GLUL: variants seen among roughly 807,000 people sequenced by gnomAD.
GLUL encodes glutamate-ammonia ligase, also known as glutamine synthetase.
GLUL carries 8 observed loss-of-function variants against 36.9 expected under a neutral mutation model. That is an observed-to-expected ratio of 0.22 (90% CI 0.13 to 0.39). GLUL has a LOEUF of 0.39. Among genes scored for constraint, GLUL ranks in the 10% least tolerant of loss-of-function variants. GLUL has a pLI of 1.00. For missense variants in GLUL, 315 were observed against 501.8 expected (o/e 0.63, Z 3.56); for synonymous variants, 182 against 172.8 (o/e 1.05, Z -0.42).
Position 182,379,524 on chromosome 1 carries a change from A to T in GLUL, c.*4881T>A, listed in dbSNP as rs755565802. Among the ~76,000 whole-genome samples the T allele has an allele frequency of 1.6e-4, 25 of 151,562 alleles. No individual in the cohort carries two copies. Among genetic ancestry groups the T allele is most frequent in the Non-Finnish European group, 3.1e-4 (21 of 67,874 alleles). The stretch of plus-strand genomic sequence containing the variant: ...AGGCTTGAGCCACCACACCCAGCCT[A>T]AACTGCCAGTTTACATCAGTTATAA... On this transcript the variant is annotated 3_prime_UTR_variant, in exon 7 of 7. Transcript: ENST00000331872.
rs1393206961 is a variant in GLUL at position 182,378,380 on chromosome 1, T to G, written c.*6025A>C. On this transcript the variant is annotated 3_prime_UTR_variant, in exon 7 of 7. Coordinates refer to ENST00000331872, the MANE Select transcript of GLUL (RefSeq NM_001033044.4). ...TGTAACATGCACTAGGATATCACTC[T>G]CCTATATTAGAGGAGCTCCAAGCAG... Among the ~76,000 whole-genome samples, 1 of 152,202 alleles carries G rather than the reference T, an allele frequency of 6.6e-6. No individual in the cohort carries two copies. The highest frequency in any genetic ancestry group is 1.9e-4 in the East Asian group (1 of 5,192).
chr1:182,386,197 G>T (rs1222919830), intron 4 of GLUL, 59 bp downstream of exon 4: 5 of 1,484,788 alleles, frequency 3.4e-6, no homozygotes, highest in Non-Finnish European at 4.7e-6. Flanking sequence ...CCTGGGAAGG[G>T]GCATTCCTGC....
rs773300168 is a variant in GLUL at position 182,391,731 on chromosome 1, G to A, written c.-66C>T. ...AGCTAGGCCGCGAGAGCGAGGTTAGGAGAGGAGAGGAGGCCGCAGTACTGC... is the reference window on the plus strand; with the variant it reads ...AGCTAGGCCGCGAGAGCGAGGTTAGAAGAGGAGAGGAGGCCGCAGTACTGC... On this transcript the variant is annotated 5_prime_UTR_variant, in exon 1 of 7. Transcript: ENST00000331872. 2 of 152,766 alleles carry A rather than the reference G, an allele frequency of 1.3e-5. No individual in the cohort carries two copies. The highest frequency in any genetic ancestry group is 2.9e-5 in the Non-Finnish European group (2 of 68,454). 9.5% of individuals were successfully genotyped at this position (152,766 alleles called of 1,614,324 possible).
chr1:182,381,976 TAC>T lies in GLUL; in HGVS notation c.*2427_*2428del, dbSNP rs766506428. The T allele has an allele frequency of 6.6e-6, 1 of 152,202 alleles. No individual in the cohort carries two copies. Among genetic ancestry groups the T allele is most frequent in the Non-Finnish European group, 1.5e-5 (1 of 68,042 alleles). 9.4% of individuals were successfully genotyped at this position (152,202 alleles called of 1,614,324 possible). Reference sequence around the variant, plus strand: ...CTCTACTTTGAATATTAAATCATATTACGAGCCAACTTTCTTAAGAAAAACCA... The same window carrying T: ...CTCTACTTTGAATATTAAATCATATTGAGCCAACTTTCTTAAGAAAAACCA... On this transcript the variant is annotated 3_prime_UTR_variant, in exon 7 of 7. Transcript: ENST00000331872.
chr1:182,385,571 C>G lies in GLUL; in HGVS notation c.604-15G>C. The G allele has an allele frequency of 6.2e-7, 1 of 1,612,602 alleles. No individual in the cohort carries two copies. The highest frequency in any genetic ancestry group is 8.5e-7 in the Non-Finnish European group (1 of 1,178,628). On this transcript the variant is annotated splice_polypyrimidine_tract_variant and intron_variant, in intron 5 of 6. Transcript: ENST00000331872. The stretch of plus-strand genomic sequence containing the variant: ...TGAAATTCCCACTAGAAACGAGAAG[C>G]TTGGCCATTAAAACAAAGCTAACTG...
chr1:182,385,987 A>G, intron 4 of GLUL, 100 bp from the exon 5 acceptor site: 1 of 1,257,772 alleles, frequency 8.0e-7, no homozygotes, highest in Middle Eastern at 1.9e-4. Context: ...TTGAATCACT[A>G]TCCTTGCCTT....
chr1:182,384,417 C>A lies in GLUL; in HGVS notation c.1110G>T (p.Gln370His). 2 of 1,612,548 alleles carry A rather than the reference C, an allele frequency of 1.2e-6. No individual in the cohort carries two copies. Among genetic ancestry groups the A allele is most frequent in the Non-Finnish European group, 1.7e-6 (2 of 1,178,738 alleles). ...AGGTCTAGTCCACTTAATTTTTGTACTGGAAGGGCTCATCGCCGGTTTCAT... is the reference window on the plus strand; with the variant it reads ...AGGTCTAGTCCACTTAATTTTTGTAATGGAAGGGCTCATCGCCGGTTTCAT... The part of the protein sequence containing the change: ...LLNETGDEPF[Q>H]YKN The change falls in exon 7 of 7, where the codon CAG (glutamine) becomes CAT (histidine). Residue 370 changes from glutamine (Q) to histidine (H), a missense_variant. Physicochemically the swap from Gln to His is conservative, Grantham distance 24. Around this residue, in one of 3 missense-constraint regions of GLUL, gnomAD observed 58 missense variants for 89.5 expected, o/e 0.65. Transcript: ENST00000331872.
rs1649814174 is a variant in GLUL, at chr1:182,378,579, T to C, written c.*5826A>G. ...GTGACAACTTTCTCATCTCGGCGAA[T>C]TCTCTTGTGTACTGTTTCTGGAACA... is the stretch of plus-strand genomic sequence containing the variant. On this transcript the variant is annotated 3_prime_UTR_variant, in exon 7 of 7. Coordinates refer to ENST00000331872, the MANE Select transcript of GLUL (RefSeq NM_001033044.4). Among the ~76,000 whole-genome samples, 1 of 152,330 alleles carries C rather than the reference T, an allele frequency of 6.6e-6. No individual in the cohort carries two copies. The highest frequency in any genetic ancestry group is 1.9e-4 in the East Asian group (1 of 5,186).
chr1:182,386,180 T>C (rs200570794), intron 4 of GLUL, 76 bp downstream of exon 4: 71 of 1,396,232 alleles, frequency 5.1e-5, no homozygotes, highest in Non-Finnish European at 1.2e-5. Context: ...TGAAAGTCAT[T>C]CCCATCCCTG....
chr1:182,386,117 T>C (rs1650169749), intron 4 of GLUL, 139 bp downstream of exon 4: 7 of 949,472 alleles, frequency 7.4e-6, no homozygotes, highest in South Asian at 3.9e-5. Context: ...TTTTTGGACT[T>C]TGGTGATGTG....
Position 182,381,488 on chromosome 1 carries a change from C to T in GLUL, c.*2917G>A, listed in dbSNP as rs1558151192. On this transcript the variant is annotated 3_prime_UTR_variant, in exon 7 of 7. Coordinates refer to ENST00000331872, the MANE Select transcript of GLUL (RefSeq NM_001033044.4). Reference sequence around the variant, plus strand: ...AATCTATCACTGATAAAAGTTATCACATAACCCATTGTCTGCAAATGAACT... The same window carrying T: ...AATCTATCACTGATAAAAGTTATCATATAACCCATTGTCTGCAAATGAACT... 6.6e-6 allele frequency among the ~76,000 whole-genome samples: 1 copy of T among 152,160 alleles called. No individual in the cohort carries two copies. Among genetic ancestry groups the T allele is most frequent in the Non-Finnish European group, 1.5e-5 (1 of 68,032 alleles).
In GLUL at chr1:182,386,347, G is replaced by A; in HGVS notation, c.384C>T (p.His128=). 1 of 1,610,258 alleles carries A rather than the reference G, an allele frequency of 6.2e-7. No homozygotes were observed. Among genetic ancestry groups the A allele is most frequent in the African/African-American group, 1.3e-5 (1 of 74,956 alleles). ...KRIMDMVSNQ[H]PWFGMEQEYT... ...ACTCCTGCTCCATGCCAAACCAGGGGTGCTGGTTGCTCACCATGTCCATTA... is the reference window on the plus strand; with the variant it reads ...ACTCCTGCTCCATGCCAAACCAGGGATGCTGGTTGCTCACCATGTCCATTA... Residue 128 remains histidine (H), a synonymous_variant, in exon 4 of 7, where the codon CAC becomes CAT. Transcript: ENST00000331872.
At position 182,385,768 on chromosome 1, in the gene GLUL, G is replaced by C; in HGVS notation, c.595C>G (p.Pro199Ala). The C allele has an allele frequency of 1.2e-6, 2 of 1,614,118 alleles. No homozygotes were observed. The highest frequency in any genetic ancestry group is 1.7e-6 in the Non-Finnish European group (2 of 1,180,012). ...KIAGTNAEVM[P>A]AQWEFQIGPC... ...ATTGGAGCTATACTTACCTGGGCAG[G>C]CATGACCTCGGCATTAGTCCCCGCA... The change falls in exon 5 of 7, where the codon CCT (proline) becomes GCT (alanine). Residue 199 changes from proline to alanine, a missense_variant. Around this residue, in one of 3 missense-constraint regions of GLUL, gnomAD observed 256 missense variants for 396.1 expected, o/e 0.65. Transcript: ENST00000331872.
intron 1 of GLUL, chr1:182,390,968 A>G (rs1650389501): frequency 2.5e-6 from 1 of 393,622 alleles, no homozygotes; most frequent in Non-Finnish European, 4.5e-6. Flanking sequence ...TCAGGGCCTC[A>G]CGGAGGTGGC....
At chr1:182,387,356 C>T (rs1287595932) in intron 2 of GLUL, 64 bp from the exon 3 acceptor site, 26 of 1,182,948 alleles carry the variant, frequency 2.2e-5, no homozygotes, top group Non-Finnish European at 3.2e-5. Flanking sequence ...AATGCAAATA[C>T]AGCCAGCCCT....
In GLUL at chr1:182,390,766, C is replaced by G. The variant is rs530658203; in HGVS notation, c.-14+913G>C. 1.9e-4 allele frequency: 74 copies of G among 399,132 alleles called. No homozygotes were observed. Among genetic ancestry groups the G allele is most frequent in the Non-Finnish European group, 3.1e-4 (71 of 226,130 alleles). 24.7% of individuals were successfully genotyped at this position (399,132 alleles called of 1,614,324 possible). A position where few individuals can be genotyped will look rare whatever the true frequency, so the allele number is the denominator to read the frequency against. ...CGACGAAGCCGAAGCAGCTGGAGCG[C>G]GACCCGGAGGAGTCTGACTTCTCGT... On this transcript the variant is annotated intron_variant, in intron 1 of 6. Coordinates refer to ENST00000331872, the MANE Select transcript of GLUL (RefSeq NM_001033044.4).
At chr1:182,386,994 G>A (rs1246061311) in intron 3 of GLUL, 137 bp downstream of exon 3, 3 of 760,076 alleles carry the variant, frequency 3.9e-6, no homozygotes, top group Non-Finnish European at 7.2e-6. Flanking sequence ...GAAGTTCAGG[G>A]AAAAGAATCA....
intron 1 of GLUL, 127 bp downstream of exon 1, chr1:182,391,552 G>A (rs1402419079): frequency 7.9e-6 from 2 of 254,260 alleles, no homozygotes; most frequent in East Asian, 7.1e-5. Flanking sequence ...ATGGGCCGGA[G>A]AGGCCGCAGC....
chr1:182,378,906 C>T lies in GLUL; in HGVS notation c.*5499G>A, dbSNP rs967787879. Reference sequence around the variant, plus strand: ...GATTCTCCTGCCTCAGCCTGCCACTCGGCAGGGTGGGATTACAGGTGCTCA... The same window carrying T: ...GATTCTCCTGCCTCAGCCTGCCACTTGGCAGGGTGGGATTACAGGTGCTCA... On this transcript the variant is annotated 3_prime_UTR_variant, in exon 7 of 7. Transcript: ENST00000331872. 6.6e-6 allele frequency among the ~76,000 whole-genome samples: 1 copy of T among 151,344 alleles called. No homozygotes were observed. The highest frequency in any genetic ancestry group is 2.4e-5 in the African/African-American group (1 of 41,152).
Sources: gnomAD v4.1 joint callset for allele counts (sites outside exome capture counted in the v4.1 genomes callset) on GRCh38, gnomAD v4.1.1 for gene constraint, gnomAD v4.1.1 regional missense constraint, MANE v1.5 for transcripts, NCBI Gene and HGNC (gene_info 2026-07-23, HGNC 2026-07-21) for gene names.